The following CSMD1 variants were observed in gnomAD, a reference collection of about 807,000 sequenced individuals.
CSMD1 encodes the protein CUB and sushi domain-containing protein 1.
A neutral mutation model predicts 417.5 loss-of-function variants in CSMD1; 213 were observed. The observed-to-expected ratio is 0.51, with a 90% CI of 0.46 to 0.57. The LOEUF (loss-of-function observed/expected upper bound fraction) is 0.57. Among genes scored for constraint, CSMD1 ranks in the 20% least tolerant of loss-of-function variants. The pLI, the probability that CSMD1 is intolerant of heterozygous loss-of-function variation, is 0.00. For missense variants in CSMD1, 6,923 were observed against 4,529.7 expected, an observed-to-expected ratio of 1.53 and a Z score of -15.17; for synonymous variants, 2,862 against 1,736.8, an observed-to-expected ratio of 1.65 and a Z score of -16.11.
chr8:4,101,965 CT>C (rs1225716868), intron 3 of CSMD1, among the ~76,000 whole-genome samples: 3 of 152,300 alleles, frequency 2.0e-5, no homozygotes, highest in African/African-American at 7.2e-5. Flanking sequence ...AAGGAGGACT[CT>C]TGAATCCCAT....
At chr8:3,907,833 C>T (rs920371208) in intron 5 of CSMD1, among the ~76,000 whole-genome samples, 9 of 152,196 alleles carry the variant, frequency 5.9e-5, no homozygotes, top group Admixed American at 3.3e-4. Flanking sequence ...TAGTTCTTCT[C>T]ATCATCAACT....
chr8:3,015,505 T>A (rs755473118), intron 52 of CSMD1, among the ~76,000 whole-genome samples: 9 of 151,950 alleles, frequency 5.9e-5, no homozygotes, highest in Non-Finnish European at 8.8e-5. Context: ...ATATATATAT[T>A]TTGATTCAGA....
intron 3 of CSMD1, among the ~76,000 whole-genome samples, chr8:4,119,693 A>G (rs79029290): frequency 0.048 from 7,352 of 152,242 alleles, 589 homozygotes; most frequent in African/African-American, 0.17. Flanking sequence ...TCCTCCCAGA[A>G]CCACAGTGGG....
intron 8 of CSMD1, among the ~76,000 whole-genome samples, chr8:3,607,384 A>G (rs942421858): frequency 6.6e-6 from 1 of 152,312 alleles, no homozygotes; most frequent in East Asian, 1.9e-4. Flanking sequence ...TGTGTTTTTT[A>G]TAAGCAGACG....
At chr8:4,600,846 T>C (rs1017015749) in intron 2 of CSMD1, among the ~76,000 whole-genome samples, 3 of 152,220 alleles carry the variant, frequency 2.0e-5, no homozygotes, top group Non-Finnish European at 4.4e-5. Flanking sequence ...GAAGATATTC[T>C]GACTTTAAAA....
intron 1 of CSMD1, among the ~76,000 whole-genome samples, chr8:4,893,239 G>T (rs954169977): frequency 3.3e-5 from 5 of 151,956 alleles, no homozygotes; most frequent in African/African-American, 1.2e-4. Flanking sequence ...TCTTTTAATT[G>T]CCTACTTAAT....
chr8:3,247,810 A>G (rs1350283056), intron 26 of CSMD1, among the ~76,000 whole-genome samples: 1 of 152,218 alleles, frequency 6.6e-6, no homozygotes, highest in Admixed American at 6.5e-5. Context: ...AAGAATCACA[A>G]TGAAACCTCC....
intron 37 of CSMD1, among the ~76,000 whole-genome samples, chr8:3,165,870 A>T (rs1820178498): frequency 1.3e-5 from 2 of 152,140 alleles, no homozygotes; most frequent in African/African-American, 4.8e-5. Flanking sequence ...AGAGAAATCA[A>T]CCATCTACAG....
intron 3 of CSMD1, among the ~76,000 whole-genome samples, chr8:4,276,301 A>C (rs1796482268): frequency 6.6e-6 from 1 of 152,238 alleles, no homozygotes; most frequent in South Asian, 2.1e-4. Context: ...GCCATAAAAA[A>C]GGATCAGTTA....
chr8:3,529,271 G>C (rs1797879647), intron 10 of CSMD1, among the ~76,000 whole-genome samples: 6 of 152,132 alleles, frequency 3.9e-5, no homozygotes, highest in Admixed American at 3.9e-4. Flanking sequence ...TCTTTTCCAT[G>C]ATTTTTTTGC....
chr8:4,515,877 A>G (rs1803088906), intron 2 of CSMD1, among the ~76,000 whole-genome samples: 2 of 152,154 alleles, frequency 1.3e-5, no homozygotes, highest in Admixed American at 1.3e-4. Flanking sequence ...CCAAACTCAA[A>G]TTTTACACAT....
intron 28 of CSMD1, among the ~76,000 whole-genome samples, chr8:3,219,651 C>T (rs1481226432): frequency 1.3e-5 from 2 of 152,004 alleles, no homozygotes; most frequent in Admixed American, 6.6e-5. Context: ...ATACTATTTG[C>T]CTAATTACCA....
At chr8:3,291,247 T>C (rs1437203964) in intron 25 of CSMD1, among the ~76,000 whole-genome samples, 1 of 152,172 alleles carries the variant, frequency 6.6e-6, no homozygotes, top group Non-Finnish European at 1.5e-5. Flanking sequence ...TTGAGGATTT[T>C]TGCATCGATG....
chr8:4,599,781 G>C (rs1334052752), intron 2 of CSMD1, among the ~76,000 whole-genome samples: 1 of 152,110 alleles, frequency 6.6e-6, no homozygotes, highest in African/African-American at 2.4e-5. Flanking sequence ...TCACACAGTG[G>C]ATACTGTAAG....
chr8:3,965,387 A>C (rs1563261746), intron 5 of CSMD1, among the ~76,000 whole-genome samples: 1 of 152,166 alleles, frequency 6.6e-6, no homozygotes, highest in Non-Finnish European at 1.5e-5. Flanking sequence ...GCGTTCTACA[A>C]ATACATTGCC....
chr8:3,297,702 G>C (rs1021200116), intron 25 of CSMD1, among the ~76,000 whole-genome samples: 3 of 152,188 alleles, frequency 2.0e-5, no homozygotes, highest in Non-Finnish European at 4.4e-5. Context: ...AAGTTTTGTA[G>C]AAGAAAACCT....
At chr8:3,307,607 T>TGGATATTTG in intron 25 of CSMD1, 88 bp downstream of exon 25, 1 of 1,389,478 alleles carries the variant, frequency 7.2e-7, no homozygotes. Flanking sequence ...ACTTTAACCA[T>TGGATATTTG]GGATATTTGG....
At chr8:4,583,887 T>A (rs554516524) in intron 2 of CSMD1, among the ~76,000 whole-genome samples, 99 of 152,174 alleles carry the variant, frequency 6.5e-4, no homozygotes, top group Non-Finnish European at 1.3e-3. Context: ...CAATAAATCT[T>A]GCTGCTGCTC....
chr8:4,908,726 G>GTTTTT (rs60829904), intron 1 of CSMD1, among the ~76,000 whole-genome samples: 3 of 152,064 alleles, frequency 2.0e-5, no homozygotes, highest in East Asian at 1.9e-4. Flanking sequence ...CTGTCACCAT[G>GTTTTT]TTATTTTCTA....
Sources: allele counts gnomAD v4.1 joint callset (sites outside exome capture counted in the v4.1 genomes callset), GRCh38; gene constraint gnomAD v4.1.1; transcripts MANE v1.5; gene names NCBI Gene and HGNC (gene_info 2026-07-23, HGNC 2026-07-21).